The following BPGM variants were observed in gnomAD, a reference collection of about 807,000 sequenced individuals.
BPGM encodes the protein bisphosphoglycerate mutase.
In BPGM, 15 loss-of-function variants were observed where a neutral mutation model predicts 21.6. The ratio of observed to expected loss-of-function variants is 0.70; its 90% CI spans 0.47 to 1.07. The LOEUF (loss-of-function observed/expected upper bound fraction) is 1.07, where lower values mean the gene tolerates loss of function less well. BPGM is among the 50% of genes least tolerant of loss of function. BPGM has a pLI of 0.00. For synonymous variants in BPGM, 113 were observed against 116.2 expected (o/e 0.97, Z 0.18); for missense variants, 273 against 319.0 (o/e 0.86, Z 1.10).
intron 2 of BPGM, among the ~76,000 whole-genome samples, chr7:134,672,363 A>G (rs1267944067): frequency 1.3e-5 from 2 of 152,040 alleles, no homozygotes; most frequent in African/African-American, 2.4e-5. Flanking sequence ...AACACCACTG[A>G]GTTCTCACCC....
chr7:134,673,181 AAAT>A (rs1334522407), intron 2 of BPGM, among the ~76,000 whole-genome samples: 1 of 152,140 alleles, frequency 6.6e-6, no homozygotes, highest in African/African-American at 2.4e-5. Context: ...CTCAAAAAGA[AAAT>A]AATAATAATA....
At chr7:134,674,760 T>A (rs909791832) in intron 2 of BPGM, among the ~76,000 whole-genome samples, 2 of 152,238 alleles carry the variant, frequency 1.3e-5, no homozygotes, top group African/African-American at 4.8e-5. Context: ...CATATTTCAC[T>A]TCTCTTGGGT....
chr7:134,650,797 C>T lies in BPGM; in HGVS notation c.-62+3860C>T, dbSNP rs549772323. On this transcript the variant is annotated intron_variant, in intron 1 of 2. Transcript: ENST00000344924. ...AAAATTAGCCGGGCGTGGTGACGGT[C>T]ACCTGTGGTCCCCGCTACTCAGGAG... 1.6e-3 allele frequency among the ~76,000 whole-genome samples: 248 copies of T among 152,272 alleles called. 2 individuals carry two copies. The highest frequency in any genetic ancestry group is 5.7e-3 in the African/African-American group (237 of 41,552).
intron 2 of BPGM, among the ~76,000 whole-genome samples, chr7:134,670,778 T>C (rs1467153414): frequency 1.3e-5 from 2 of 152,228 alleles, no homozygotes; most frequent in South Asian, 2.1e-4. Flanking sequence ...TGGCACCTTA[T>C]TAAATGAATG....
At chr7:134,654,282 G>C (rs1387053859) in intron 1 of BPGM, among the ~76,000 whole-genome samples, 1 of 152,174 alleles carries the variant, frequency 6.6e-6, no homozygotes, top group Non-Finnish European at 1.5e-5. Flanking sequence ...GAGTATTTGG[G>C]GCTTTCAATT....
chr7:134,648,386 C>T (rs528333243), intron 1 of BPGM, among the ~76,000 whole-genome samples: 5 of 152,214 alleles, frequency 3.3e-5, no homozygotes, highest in East Asian at 1.9e-4. Flanking sequence ...CTGCCTGCCT[C>T]GGCCTCCCAA....
At chr7:134,649,813 T>G (rs1162066803) in intron 1 of BPGM, among the ~76,000 whole-genome samples, 1 of 152,206 alleles carries the variant, frequency 6.6e-6, no homozygotes, top group East Asian at 1.9e-4. Context: ...ACCACCTAAT[T>G]TAAGCATTTC....
chr7:134,650,244 A>C (rs1170209508), intron 1 of BPGM, among the ~76,000 whole-genome samples: 7 of 152,220 alleles, frequency 4.6e-5, no homozygotes, highest in Admixed American at 1.3e-4. Flanking sequence ...GTCCGTCATG[A>C]GTGGGTGTTG....
chr7:134,665,643 ATT>A (rs1491340604), intron 2 of BPGM, among the ~76,000 whole-genome samples: 1 of 19,682 alleles, frequency 5.1e-5, no homozygotes, highest in Non-Finnish European at 7.3e-5. Context: ...TAAAATAAAA[ATT>A]AATGAAAAAA....
chr7:134,670,931 T>A (rs1795893889), intron 2 of BPGM, among the ~76,000 whole-genome samples: 1 of 152,228 alleles, frequency 6.6e-6, no homozygotes, highest in East Asian at 1.9e-4. Context: ...ATTCAAAGAT[T>A]TTGAACACTT....
At chr7:134,668,138 G>A (rs1795847744) in intron 2 of BPGM, among the ~76,000 whole-genome samples, 1 of 152,166 alleles carries the variant, frequency 6.6e-6, no homozygotes, top group Admixed American at 6.6e-5. Flanking sequence ...TTATGACACT[G>A]TAGGCAGTCA....
intron 1 of BPGM, among the ~76,000 whole-genome samples, chr7:134,657,317 A>G (rs538131652): frequency 2.0e-5 from 3 of 152,326 alleles, no homozygotes; most frequent in African/African-American, 7.2e-5. Flanking sequence ...GTGCAAAACT[A>G]CTGAGGCAAG....
At chr7:134,670,009 C>T (rs1230613563) in intron 2 of BPGM, among the ~76,000 whole-genome samples, 2 of 152,090 alleles carry the variant, frequency 1.3e-5, no homozygotes, top group African/African-American at 4.8e-5. Context: ...GTGTTTCATT[C>T]TCTGTGGTTG....
intron 1 of BPGM, among the ~76,000 whole-genome samples, chr7:134,655,532 A>G (rs770398616): frequency 6.6e-6 from 1 of 152,204 alleles, no homozygotes; most frequent in South Asian, 2.1e-4. Context: ...TGAACAAGTC[A>G]ATCAGAATCT....
chr7:134,651,541 A>G lies in BPGM; in HGVS notation c.-62+4604A>G, dbSNP rs553945027. 4.6e-5 allele frequency among the ~76,000 whole-genome samples: 7 copies of G among 152,248 alleles called. No individual in the cohort carries two copies. The South Asian group carries it at 1.5e-3, about 32-fold the overall frequency. Reference sequence around the variant, plus strand: ...GTGGAATTATATAGTTTAATGAAGGAGTAGGAAGCAGCAGCAGATGATCAT... The same window carrying G: ...GTGGAATTATATAGTTTAATGAAGGGGTAGGAAGCAGCAGCAGATGATCAT... On this transcript the variant is annotated intron_variant, in intron 1 of 2. Transcript: ENST00000344924.
intron 2 of BPGM, among the ~76,000 whole-genome samples, chr7:134,669,866 A>G (rs1158691630): frequency 6.6e-6 from 1 of 152,136 alleles, no homozygotes; most frequent in Admixed American, 6.6e-5. Context: ...TTATGCTAAT[A>G]AGTCCAGGTT....
At position 134,672,503 on chromosome 7, in the gene BPGM, A is replaced by C. The variant is rs571392229; in HGVS notation, c.602-6350A>C. The stretch of plus-strand genomic sequence containing the variant: ...GCTAGGGTCCAGAAATTATTTAGTA[A>C]TATGGTCCACTAAGTAATGACAACT... On this transcript the variant is annotated intron_variant, in intron 2 of 2. Transcript: ENST00000344924. Among the ~76,000 whole-genome samples, 5 of 152,296 alleles carry C rather than the reference A, an allele frequency of 3.3e-5. No individual in the cohort carries two copies. The South Asian group carries it at 1.0e-3, about 32-fold the overall frequency.
chr7:134,655,483 G>A (rs1795622435), intron 1 of BPGM, among the ~76,000 whole-genome samples: 1 of 152,122 alleles, frequency 6.6e-6, no homozygotes, highest in Non-Finnish European at 1.5e-5. Context: ...GAAGACCAGG[G>A]TTGCAGTTCC....
At chr7:134,674,378 C>A (rs1319795498) in intron 2 of BPGM, among the ~76,000 whole-genome samples, 1 of 152,166 alleles carries the variant, frequency 6.6e-6, no homozygotes, top group African/African-American at 2.4e-5. Context: ...AAACCCAGTG[C>A]CCCTTAGCTG....
Sources: gnomAD v4.1 joint callset for allele counts (sites outside exome capture counted in the v4.1 genomes callset) on GRCh38, gnomAD v4.1.1 for gene constraint, MANE v1.5 for transcripts, NCBI Gene and HGNC (gene_info 2026-07-23, HGNC 2026-07-21) for gene names.